STXBP6: variants seen among roughly 807,000 people sequenced by gnomAD.
STXBP6 encodes the protein syntaxin binding protein 6, also known as syntaxin-binding protein 6.
STXBP6 carries 21 observed loss-of-function variants against 26.9 expected under a neutral mutation model. That is an observed-to-expected ratio of 0.78 (90% CI 0.55 to 1.12). The LOEUF (loss-of-function observed/expected upper bound fraction) is 1.12, where lower values mean the gene tolerates loss of function less well. STXBP6 is among the 50% of genes most tolerant of loss of function. The probability of loss-of-function intolerance (pLI) is 0.00; values close to 1 mark genes in which losing one functional copy is unlikely to be tolerated. For synonymous variants in STXBP6, 97 were observed against 92.6 expected (o/e 1.05, Z -0.27); for missense variants, 232 against 257.9 (o/e 0.90, Z 0.69).
At chr14:24,964,087 T>C (rs1003396697) in intron 2 of STXBP6, among the ~76,000 whole-genome samples, 1 of 151,022 alleles carries the variant, frequency 6.6e-6, no homozygotes, top group Non-Finnish European at 1.5e-5. Context: ...TCAGCTCTTA[T>C]AGAGGCGCAG....
intron 2 of STXBP6, among the ~76,000 whole-genome samples, chr14:24,906,010 A>T (rs2071374380): frequency 6.6e-6 from 1 of 152,232 alleles, no homozygotes; most frequent in South Asian, 2.1e-4. Context: ...GCAGGAATAC[A>T]CATAGAATAC....
At chr14:24,967,564 A>G (rs187466912) in intron 2 of STXBP6, among the ~76,000 whole-genome samples, 17 of 152,364 alleles carry the variant, frequency 1.1e-4, no homozygotes, top group African/African-American at 3.8e-4. Context: ...AGGATATTGC[A>G]TATTTATAAA....
rs183846557 is a variant in STXBP6, at chr14:24,907,666, T to C, written c.155-50509A>G. Among the ~76,000 whole-genome samples, 365 of 152,324 alleles carry C rather than the reference T, an allele frequency of 2.4e-3. 1 individual carries two copies. The highest frequency in any genetic ancestry group is 3.4e-3 in the Non-Finnish European group (234 of 68,022). Reference sequence around the variant, plus strand: ...AAAATATATAGCCTTTTAATAAGCATTTAAAAAAATCTTATAACAAGTAGT... The same window carrying C: ...AAAATATATAGCCTTTTAATAAGCACTTAAAAAAATCTTATAACAAGTAGT... On this transcript the variant is annotated intron_variant, in intron 2 of 5. Transcript: ENST00000323944.
chr14:24,857,280 G>A (rs2069371839), intron 2 of STXBP6, 123 bp from the exon 3 acceptor site: 22 of 1,254,940 alleles, frequency 1.8e-5, no homozygotes, highest in Non-Finnish European at 2.2e-5. Flanking sequence ...AGGCAGAGGG[G>A]GAAAGGAGGG....
intron 2 of STXBP6, among the ~76,000 whole-genome samples, chr14:24,947,250 A>T (rs981391219): frequency 6.6e-6 from 1 of 152,132 alleles, no homozygotes; most frequent in African/African-American, 2.4e-5. Context: ...ATTCTCTGGG[A>T]CCAAATGGGT....
chr14:24,957,310 T>C (rs749708958), intron 2 of STXBP6, among the ~76,000 whole-genome samples: 11 of 152,196 alleles, frequency 7.2e-5, no homozygotes, highest in Non-Finnish European at 1.3e-4. Flanking sequence ...ATTGAAACTC[T>C]ATTGGTTTGC....
At chr14:25,011,086 G>A (rs1450630305) in intron 1 of STXBP6, among the ~76,000 whole-genome samples, 1 of 150,874 alleles carries the variant, frequency 6.6e-6, no homozygotes, top group Non-Finnish European at 1.5e-5. Context: ...AACAAGCAAG[G>A]CTACAGTGCA....
At chr14:24,893,275 AC>A (rs1451793784) in intron 2 of STXBP6, among the ~76,000 whole-genome samples, 3 of 152,232 alleles carry the variant, frequency 2.0e-5, no homozygotes, top group Non-Finnish European at 4.4e-5. Flanking sequence ...ATGTGCCAGG[AC>A]CTATTCAAAG....
At chr14:24,882,098 G>A (rs975737274) in intron 2 of STXBP6, among the ~76,000 whole-genome samples, 1 of 151,674 alleles carries the variant, frequency 6.6e-6, no homozygotes, top group Non-Finnish European at 1.5e-5. Context: ...AGGGGCTTTC[G>A]GCCGGGCGCG....
chr14:24,925,906 A>C (rs116386474), intron 2 of STXBP6, among the ~76,000 whole-genome samples: 2,056 of 152,276 alleles, frequency 0.014, 35 homozygotes, highest in African/African-American at 0.039. Context: ...AAGTATTTCA[A>C]CTTGCCCCTG....
intron 4 of STXBP6, among the ~76,000 whole-genome samples, chr14:24,834,001 A>AT (rs918005167): frequency 2.6e-4 from 39 of 149,628 alleles, no homozygotes; most frequent in South Asian, 1.3e-3. Flanking sequence ...TTGAAAACTC[A>AT]TTTTTTTTTT....
At chr14:24,880,622 AG>A (rs2139422306) in intron 2 of STXBP6, among the ~76,000 whole-genome samples, 1 of 152,344 alleles carries the variant, frequency 6.6e-6, no homozygotes, top group South Asian at 2.1e-4. Flanking sequence ...TGAAAATGAA[AG>A]GTAAAGGGAG....
intron 4 of STXBP6, among the ~76,000 whole-genome samples, chr14:24,836,114 G>A (rs1257676751): frequency 6.6e-6 from 1 of 152,194 alleles, no homozygotes; most frequent in Non-Finnish European, 1.5e-5. Flanking sequence ...TTCAGGGTGT[G>A]TATGAAATCA....
intron 2 of STXBP6, among the ~76,000 whole-genome samples, chr14:24,877,095 G>C (rs564233881): frequency 6.6e-6 from 1 of 152,274 alleles, no homozygotes; most frequent in Non-Finnish European, 1.5e-5. Flanking sequence ...AGAAGTATGA[G>C]CTTTATTAAT....
At chr14:24,928,329 C>A (rs2072254606) in intron 2 of STXBP6, among the ~76,000 whole-genome samples, 1 of 151,986 alleles carries the variant, frequency 6.6e-6, no homozygotes, top group South Asian at 2.1e-4. Context: ...CTCTTATTAA[C>A]CTTACCCCCT....
At chr14:24,900,269 C>T (rs1405792767) in intron 2 of STXBP6, among the ~76,000 whole-genome samples, 1 of 152,156 alleles carries the variant, frequency 6.6e-6, no homozygotes, top group Non-Finnish European at 1.5e-5. Context: ...TCTATCAGAA[C>T]CACGTTTCAA....
chr14:24,930,004 A>G (rs2072323704), intron 2 of STXBP6, among the ~76,000 whole-genome samples: 1 of 152,258 alleles, frequency 6.6e-6, no homozygotes, highest in Admixed American at 6.5e-5. Flanking sequence ...AGAAGGCTGA[A>G]ACATTTACAG....
intron 2 of STXBP6, among the ~76,000 whole-genome samples, chr14:24,886,396 T>G (rs2070589171): frequency 6.6e-6 from 1 of 152,172 alleles, no homozygotes; most frequent in African/African-American, 2.4e-5. Flanking sequence ...TAACAGTAAC[T>G]GTAAATCCAA....
chr14:25,028,968 T>C (rs2075400211), intron 1 of STXBP6, among the ~76,000 whole-genome samples: 1 of 152,200 alleles, frequency 6.6e-6, no homozygotes. Flanking sequence ...AAGATGTGAC[T>C]ACGTTGTGCA....
Sources: gnomAD v4.1 joint callset for allele counts (sites outside exome capture counted in the v4.1 genomes callset) on GRCh38, gnomAD v4.1.1 for gene constraint, MANE v1.5 for transcripts, NCBI Gene and HGNC (gene_info 2026-07-23, HGNC 2026-07-21) for gene names.